The following PTPRT variants were observed in gnomAD, a reference collection of about 807,000 sequenced individuals.
PTPRT encodes the protein receptor-type tyrosine-protein phosphatase T.
A neutral mutation model predicts 176.8 loss-of-function variants in PTPRT; 56 were observed. The observed-to-expected ratio is 0.32, with a 90% CI of 0.26 to 0.40. The LOEUF is 0.40. Among genes scored for constraint, PTPRT ranks in the 10% least tolerant of loss-of-function variants. The pLI, the probability that PTPRT is intolerant of heterozygous loss-of-function variation, is 1.00. For missense variants in PTPRT, 1,540 were observed against 1,908.2 expected (o/e 0.81, Z 3.60); for synonymous variants, 783 against 739.0 (o/e 1.06, Z -0.96).
At chr20:42,614,421 C>A (rs971063738) in intron 7 of PTPRT, among the ~76,000 whole-genome samples, 1 of 152,144 alleles carries the variant, frequency 6.6e-6, no homozygotes, top group Admixed American at 6.5e-5. Flanking sequence ...ACCAATCCAA[C>A]CACAACTTTC....
At chr20:42,463,421 C>T (rs2145897969) in intron 8 of PTPRT, among the ~76,000 whole-genome samples, 1 of 152,162 alleles carries the variant, frequency 6.6e-6, no homozygotes, top group East Asian at 1.9e-4. Context: ...AAAAAAAGCA[C>T]ACTAAAATTG....
chr20:42,382,963 T>C (rs2058711051), intron 9 of PTPRT, among the ~76,000 whole-genome samples: 1 of 152,138 alleles, frequency 6.6e-6, no homozygotes, highest in Non-Finnish European at 1.5e-5. Flanking sequence ...GTGTCTGAGC[T>C]CTGCAATTAC....
At chr20:42,845,221 G>C (rs897224768) in intron 2 of PTPRT, among the ~76,000 whole-genome samples, 1 of 152,132 alleles carries the variant, frequency 6.6e-6, no homozygotes, top group Non-Finnish European at 1.5e-5. Context: ...TCTGTTTCGG[G>C]TGTTCTTGCC....
At chr20:42,200,159 C>T (rs1600667076) in intron 15 of PTPRT, among the ~76,000 whole-genome samples, 1 of 151,948 alleles carries the variant, frequency 6.6e-6, no homozygotes, top group Non-Finnish European at 1.5e-5. Context: ...ATTCTGACAC[C>T]AGCCACTGGA....
chr20:42,251,897 G>T (rs1463263545), intron 13 of PTPRT, among the ~76,000 whole-genome samples: 1 of 152,096 alleles, frequency 6.6e-6, no homozygotes, highest in Non-Finnish European at 1.5e-5. Flanking sequence ...TGTTATTCAA[G>T]GAGCAATGAT....
At chr20:42,104,921 T>C (rs1759916849) in intron 24 of PTPRT, among the ~76,000 whole-genome samples, 1 of 152,208 alleles carries the variant, frequency 6.6e-6, no homozygotes, top group Admixed American at 6.5e-5. Flanking sequence ...GTCTTGTTTC[T>C]GATAGAAGAT....
intron 7 of PTPRT, among the ~76,000 whole-genome samples, chr20:42,529,517 C>T (rs543822131): frequency 6.6e-5 from 10 of 152,176 alleles, no homozygotes; most frequent in South Asian, 2.1e-4. Flanking sequence ...GATGGAGTCT[C>T]ACTCTGCTGC....
intron 7 of PTPRT, among the ~76,000 whole-genome samples, chr20:42,483,018 TAA>T (rs779979761): frequency 4.6e-5 from 7 of 152,102 alleles, no homozygotes; most frequent in Non-Finnish European, 8.8e-5. Context: ...ATAATGCAAA[TAA>T]AAAGTGTTCT....
chr20:42,605,601 T>C (rs1455656467), intron 7 of PTPRT, among the ~76,000 whole-genome samples: 2 of 152,150 alleles, frequency 1.3e-5, no homozygotes, highest in Non-Finnish European at 2.9e-5. Context: ...GAGGAAAGGG[T>C]GTTCCTGGTG....
At chr20:42,489,574 T>A (rs1339618953) in intron 7 of PTPRT, among the ~76,000 whole-genome samples, 1 of 152,086 alleles carries the variant, frequency 6.6e-6, no homozygotes, top group Admixed American at 6.6e-5. Flanking sequence ...TTTAATATAT[T>A]TATTTTGTGT....
At chr20:42,096,756 A>AATTTTTTT (rs1555862037) in intron 27 of PTPRT, among the ~76,000 whole-genome samples, 6 of 118,864 alleles carry the variant, frequency 5.0e-5, no homozygotes, top group African/African-American at 6.3e-5. Context: ...GCTAATTAAA[A>AATTTTTTT]TTTTTTTTTT....
intron 1 of PTPRT, among the ~76,000 whole-genome samples, chr20:43,180,604 C>T (rs1568830043): frequency 6.6e-6 from 1 of 152,040 alleles, no homozygotes; most frequent in Non-Finnish European, 1.5e-5. Context: ...GCTGGGACTA[C>T]AGGCACACAC....
intron 16 of PTPRT, among the ~76,000 whole-genome samples, chr20:42,163,214 G>A (rs995155002): frequency 5.9e-5 from 9 of 152,156 alleles, no homozygotes; most frequent in African/African-American, 1.7e-4. Flanking sequence ...TGGGGTCATC[G>A]TAGGCAGAGT....
intron 18 of PTPRT, among the ~76,000 whole-genome samples, chr20:42,138,626 G>A (rs902711902): frequency 3.9e-5 from 6 of 152,168 alleles, no homozygotes; most frequent in African/African-American, 1.4e-4. Flanking sequence ...ACTTTACATG[G>A]AGAATGCTTT....
intron 14 of PTPRT, among the ~76,000 whole-genome samples, chr20:42,236,469 G>C (rs1170891415): frequency 6.6e-6 from 1 of 152,120 alleles, no homozygotes; most frequent in Non-Finnish European, 1.5e-5. Context: ...AAACAAGAGA[G>C]ACCTCTTCTA....
At chr20:42,210,033 C>A (rs1265850418) in intron 15 of PTPRT, among the ~76,000 whole-genome samples, 5 of 152,014 alleles carry the variant, frequency 3.3e-5, no homozygotes, top group Non-Finnish European at 7.4e-5. Context: ...ATAAACAGAG[C>A]CAAAGACAAA....
chr20:42,822,613 C>T (rs149961759), intron 2 of PTPRT, among the ~76,000 whole-genome samples: 2 of 152,222 alleles, frequency 1.3e-5, no homozygotes, highest in East Asian at 3.9e-4. Context: ...AGTGAACAGG[C>T]AACCTACAGA....
chr20:43,070,089 C>T (rs1335264206), intron 1 of PTPRT, among the ~76,000 whole-genome samples: 1 of 152,142 alleles, frequency 6.6e-6, no homozygotes, highest in South Asian at 2.1e-4. Flanking sequence ...GCCCAGAATA[C>T]TTCCTTTGTG....
At chr20:43,130,814 C>CAAA (rs77205622) in intron 1 of PTPRT, among the ~76,000 whole-genome samples, 4 of 117,434 alleles carry the variant, frequency 3.4e-5, no homozygotes, top group South Asian at 2.6e-4. Context: ...GAAGGATTTT[C>CAAA]AAAAAAAAAA....
Sources: gnomAD v4.1 joint callset for allele counts (sites outside exome capture counted in the v4.1 genomes callset) on GRCh38, gnomAD v4.1.1 for gene constraint, MANE v1.5 for transcripts, NCBI Gene and HGNC (gene_info 2026-07-23, HGNC 2026-07-21) for gene names.